DENND4B: variants seen among roughly 807,000 people sequenced by gnomAD.
DENND4B encodes DENN domain-containing protein 4B.
In DENND4B, 67 loss-of-function variants were observed where a neutral mutation model predicts 161.0. The ratio of observed to expected loss-of-function variants is 0.42; its 90% confidence interval spans 0.34 to 0.51. The LOEUF (loss-of-function observed/expected upper bound fraction) is 0.51, where lower values mean the gene tolerates loss of function less well. Ranked by LOEUF, DENND4B falls within the 20% of genes least tolerant of loss-of-function variation. DENND4B has a pLI of 0.08. For synonymous variants in DENND4B, 753 were observed against 813.8 expected, an observed-to-expected ratio of 0.93 and a Z score of 1.27; for missense variants, 1,481 against 1,968.0, an observed-to-expected ratio of 0.75 and a Z score of 4.68.
intron 24 of DENND4B, among the ~76,000 whole-genome samples, chr1:153,931,463 C>G (rs1313272968): frequency 6.6e-6 from 1 of 151,622 alleles, no homozygotes; most frequent in Non-Finnish European, 1.5e-5. Context: ...GGATCCGAAC[C>G]AGGTGCAGCA....
At chr1:153,945,058 G>C in intron 1 of DENND4B, 1 of 1,270,168 alleles carries the variant, frequency 7.9e-7, no homozygotes, top group Non-Finnish European at 1.0e-6. Flanking sequence ...AGTTGTGAGA[G>C]ACAAGTCCCG....
rs879933155 is a variant in DENND4B at position 153,929,926 on chromosome 1, G to A, written c.*371C>T. ...ATCCCTACCTCCCATTCAGGGCAAA[G>A]GCTCAGTAGCTCTGCATCTTTCCAG... On this transcript the variant is annotated 3_prime_UTR_variant, in exon 28 of 28. Coordinates refer to ENST00000361217, the MANE Select transcript of DENND4B (RefSeq NM_014856.3). The A allele has an allele frequency of 1.1e-4, 21 of 189,270 alleles. No homozygotes were observed. Among genetic ancestry groups the A allele is most frequent in the South Asian group, 8.2e-4 (6 of 7,354 alleles). The allele number at this position is 189,270 out of a possible 1,614,324, so 11.7% of individuals were successfully genotyped here.
Position 153,942,543 on chromosome 1 carries a change from A to G in DENND4B, c.640+13T>C, listed in dbSNP as rs776863623. ...TAGGGTCACAGGATTGGAGGGATAA[A>G]GGGGCCACTCACCTGCCTCGTACAC... is the stretch of plus-strand genomic sequence containing the variant. On this transcript the variant is annotated intron_variant, in intron 4 of 27. Transcript: ENST00000361217. This position sits in a 1 kb window ranked among gnomAD's most constrained non-coding sequence, Gnocchi z 6.9. The G allele has an allele frequency of 6.3e-7, 1 of 1,592,652 alleles. No homozygotes were observed. Among genetic ancestry groups the G allele is most frequent in the South Asian group, 1.1e-5 (1 of 87,852 alleles).
At chr1:153,941,465 A>C (rs1679666869) in intron 6 of DENND4B, 25 bp from the exon 7 acceptor site, 1 of 1,603,030 alleles carries the variant, frequency 6.2e-7, no homozygotes, top group Admixed American at 1.7e-5. Flanking sequence ...AACAGGTCAG[A>C]GCATACTCCC....
At position 153,934,502 on chromosome 1, in the gene DENND4B, C is replaced by T. The variant is rs556728976; in HGVS notation, c.2774-200G>A. Among the ~76,000 whole-genome samples the T allele has an allele frequency of 7.2e-5, 11 of 152,112 alleles. No homozygotes were observed. Among genetic ancestry groups the T allele is most frequent in the African/African-American group, 2.4e-4 (10 of 41,500 alleles). On this transcript the variant is annotated intron_variant, in intron 18 of 27. Coordinates refer to ENST00000361217, the MANE Select transcript of DENND4B (RefSeq NM_014856.3). This position sits in a 1 kb window ranked among gnomAD's most constrained non-coding sequence, Gnocchi z 5.3. ...TCTGTAGCTAGGTGGAGTGCAGTGG[C>T]GCCATCTCAGCTCACTGCAACCTCT...
intron 6 of DENND4B, 88 bp downstream of exon 6, chr1:153,941,775 GCCCTCC>G: frequency 6.0e-6 from 8 of 1,338,162 alleles, no homozygotes; most frequent in African/African-American, 1.5e-5. Context: ...CCTGTGCCCA[GCCCTCC>G]CCCCACCCAC....
rs753563164 is a variant in DENND4B, at chr1:153,936,834, C to T, written c.2233-86G>A. The stretch of plus-strand genomic sequence containing the variant: ...TTTATTTATTTATTTATGACGGTCT[C>T]GCTCTGTCACCCAGGCTGGAGTGCA... On this transcript the variant is annotated intron_variant, in intron 15 of 27. Coordinates refer to ENST00000361217, the MANE Select transcript of DENND4B (RefSeq NM_014856.3). This position sits in a 1 kb window ranked among gnomAD's most constrained non-coding sequence, Gnocchi z 4.1. The T allele has an allele frequency of 1.2e-5, 16 of 1,318,426 alleles. No individual in the cohort carries two copies. Among genetic ancestry groups the T allele is most frequent in the Non-Finnish European group, 1.5e-5 (15 of 992,890 alleles). The allele number at this position is 1,318,426 out of a possible 1,614,324, so 81.7% of individuals were successfully genotyped here.
Position 153,932,366 on chromosome 1 carries a change from C to A in DENND4B, c.3834G>T (p.Ser1278=), listed in dbSNP as rs745512704. ...CCTCACTGCCCTCGTTCTCTACCAG[C>A]GACTCCAGCTCCTTACGCAGCACCA... ...SPLVLRKELE[S]LVENEGSEVL... is the part of the protein sequence containing the mutation. Residue 1278 remains serine (S), a synonymous_variant, in exon 24 of 28, where the codon TCG becomes TCT. Coordinates refer to ENST00000361217, the MANE Select transcript of DENND4B (RefSeq NM_014856.3). This position sits in a 1 kb window ranked among gnomAD's most constrained non-coding sequence, Gnocchi z 5.8. 6.2e-7 allele frequency: 1 copy of A among 1,613,840 alleles called. No homozygotes were observed. Among genetic ancestry groups the A allele is most frequent in the Non-Finnish European group, 8.5e-7 (1 of 1,179,828 alleles).
rs1485410895 is a variant in DENND4B at position 153,929,886 on chromosome 1, T to G, written c.*411A>C. The G allele has an allele frequency of 2.4e-5, 4 of 165,982 alleles. No homozygotes were observed. Among genetic ancestry groups the G allele is most frequent in the Non-Finnish European group, 5.2e-5 (4 of 77,056 alleles). The allele number at this position is 165,982 out of a possible 1,614,324, so 10.3% of individuals were successfully genotyped here. A position where few individuals can be genotyped will look rare whatever the true frequency, so the allele number is the denominator to read the frequency against. On this transcript the variant is annotated 3_prime_UTR_variant, in exon 28 of 28. Transcript: ENST00000361217. ...CAACGTCAGGGAAGAGGGACCATTA[T>G]TGGTGGAGAATGACATCCCTACCTC...
chr1:153,942,439 G>C lies in DENND4B; in HGVS notation c.641-83C>G, dbSNP rs1679726363. On this transcript the variant is annotated intron_variant, in intron 4 of 27. Transcript: ENST00000361217. This position sits in a 1 kb window ranked among gnomAD's most constrained non-coding sequence, Gnocchi z 6.9. Reference sequence around the variant, plus strand: ...GGGAAATGAACCAAGGGATCCCAGAGAAGGCCCGAGTAGCAAAGAGAAAGT... The same window carrying C: ...GGGAAATGAACCAAGGGATCCCAGACAAGGCCCGAGTAGCAAAGAGAAAGT... The C allele has an allele frequency of 9.5e-6, 15 of 1,571,642 alleles. No homozygotes were observed.
rs776059315 is a variant in DENND4B, at chr1:153,939,771, T to C, written c.1637A>G (p.Glu546Gly). 3 of 1,613,858 alleles carry C rather than the reference T, an allele frequency of 1.9e-6. No homozygotes were observed. In the South Asian group the frequency reaches 3.3e-5, roughly 18 times the overall value. The part of the protein sequence containing the change: ...YTGPEEEASL[E>G]FLLTDYEAVC... ...TGCCTCGTAGTCTGTCAGTAGGAAC[T>C]CCAGGGATGCTTCCTCCTCAGGTCC... The change falls in exon 12 of 28, where the codon GAG becomes GGG. Residue 546 changes from glutamate (E) to glycine (G), a missense_variant. Physicochemically the swap from Glu to Gly is moderately conservative, Grantham distance 98. This residue lies in a region of DENND4B where 806 missense variants were observed against 1,134.4 expected (regional missense o/e 0.71). Coordinates refer to ENST00000361217, the MANE Select transcript of DENND4B (RefSeq NM_014856.3).
intron 1 of DENND4B, chr1:153,945,213 G>C (rs1049779716): frequency 1.6e-5 from 21 of 1,279,860 alleles, no homozygotes; most frequent in Middle Eastern, 2.2e-4. Context: ...CTGGGAAAAA[G>C]CCTGGTGGGT....
At chr1:153,945,553 GACAC>G (rs35616374) in intron 1 of DENND4B, among the ~76,000 whole-genome samples, 54 of 149,732 alleles carry the variant, frequency 3.6e-4, no homozygotes, top group South Asian at 8.5e-4. Context: ...CTGGCCTCTG[GACAC>G]ACACACACAC....
intron 17 of DENND4B, 113 bp from the exon 18 acceptor site, chr1:153,935,077 C>T: frequency 6.6e-7 from 1 of 1,508,220 alleles, no homozygotes; most frequent in Middle Eastern, 1.8e-4. Context: ...GACATCCTGT[C>T]TAGGACTGTC....
rs12730915 is a variant in DENND4B, at chr1:153,933,577, G to T, written c.3236C>A (p.Pro1079His). 2 of 1,565,520 alleles carry T rather than the reference G, an allele frequency of 1.3e-6. No individual in the cohort carries two copies. Among genetic ancestry groups the T allele is most frequent in the South Asian group, 1.2e-5 (1 of 83,676 alleles). The part of the protein sequence containing the change: ...RHSPASRIPP[P>H]ELPPDLPPPA... ...GGGTGGCAGGTCAGGAGGCAGCTCA[G>T]GTGGGGGAATGCGGGAGGCAGGGGA... The change falls in exon 20 of 28, where the codon CCT becomes CAT. Residue 1079 changes from proline to histidine, a missense_variant. By Grantham distance (77) the Pro-to-His change is moderately conservative (BLOSUM62 -2). Around this residue, in one of 3 missense-constraint regions of DENND4B, gnomAD observed 339 missense variants for 330.3 expected, o/e 1.03. Transcript: ENST00000361217. The surrounding 1 kb of genome is among the most constrained non-coding windows in gnomAD (Gnocchi z 5.7).
Position 153,943,352 on chromosome 1 carries a change from A to C in DENND4B, c.318-222T>G, listed in dbSNP as rs535974950. On this transcript the variant is annotated intron_variant, in intron 2 of 27. Coordinates refer to ENST00000361217, the MANE Select transcript of DENND4B (RefSeq NM_014856.3). ...ATTTCATGGTCAGCAACAATCCTGC[A>C]TGCCTTCTATGGCTCTCATACTCAT... 2.0e-5 allele frequency among the ~76,000 whole-genome samples: 3 copies of C among 152,308 alleles called. No individual in the cohort carries two copies. In the South Asian group the frequency reaches 6.2e-4, roughly 32 times the overall value.
Position 153,932,096 on chromosome 1 carries a change from C to T in DENND4B, c.3996+108G>A, listed in dbSNP as rs530601479. 389 of 1,074,096 alleles carry T rather than the reference C, an allele frequency of 3.6e-4. 2 individuals are homozygous for T. The African/African-American group carries it at 5.3e-3, about 15-fold the overall frequency. The allele number at this position is 1,074,096 out of a possible 1,614,324, so 66.5% of individuals were successfully genotyped here. ...TGCTGGGATTACAGGCATGAGCCAC[C>T]GTGCCTGGCCAGTCTATGCTCTTTC... On this transcript the variant is annotated intron_variant, in intron 24 of 27. Transcript: ENST00000361217. This position sits in a 1 kb window ranked among gnomAD's most constrained non-coding sequence, Gnocchi z 5.8.
rs1400109500 is a variant in DENND4B, at chr1:153,946,353, A to AGCTGGCGG, written c.-84_-77dup. 3.7e-5 allele frequency: 14 copies of AGCTGGCGG among 373,462 alleles called. No homozygotes were observed. In the East Asian group the frequency reaches 5.4e-4, roughly 15 times the overall value. 23.1% of individuals were successfully genotyped at this position (373,462 alleles called of 1,614,324 possible). A position where few individuals can be genotyped will look rare whatever the true frequency, so the allele number is the denominator to read the frequency against. Reference sequence around the variant, plus strand: ...CCGCTGGCGGGTGGCTCGGAGGGCGAGCTGGCGGGCCGGCGGGCGGCGGGG... The same window carrying AGCTGGCGG: ...CCGCTGGCGGGTGGCTCGGAGGGCGAGCTGGCGGGCTGGCGGGCCGGCGGGCGGCGGGG... On this transcript the variant is annotated 5_prime_UTR_variant, in exon 1 of 28. Coordinates refer to ENST00000361217, the MANE Select transcript of DENND4B (RefSeq NM_014856.3). This position sits in a 1 kb window ranked among gnomAD's most constrained non-coding sequence, Gnocchi z 6.3.
chr1:153,935,547 A>C (rs964801241), intron 17 of DENND4B, among the ~76,000 whole-genome samples: 1 of 152,154 alleles, frequency 6.6e-6, no homozygotes, highest in African/African-American at 2.4e-5. Context: ...GGGTTTCACC[A>C]TGTTGGCCAG....
Sources: gnomAD v4.1 joint callset for allele counts (sites outside exome capture counted in the v4.1 genomes callset) on GRCh38, gnomAD v4.1.1 for gene constraint, gnomAD v4.1.1 regional missense constraint, Gnocchi (gnomAD v3.1) non-coding constraint, MANE v1.5 for transcripts, NCBI Gene and HGNC (gene_info 2026-07-23, HGNC 2026-07-21) for gene names.